Variants in OSBPL3 observed in about 807,000 individuals in gnomAD.
OSBPL3 encodes oxysterol-binding protein-related protein 3.
A neutral mutation model predicts 120.1 loss-of-function variants in OSBPL3; 65 were observed. The observed-to-expected ratio is 0.54, with a 90% CI of 0.44 to 0.67. The LOEUF (loss-of-function observed/expected upper bound fraction) is 0.67, where lower values mean the gene tolerates loss of function less well. Among genes scored for constraint, OSBPL3 ranks in the 30% least tolerant of loss-of-function variants. OSBPL3 has a pLI of 0.00. For missense variants in OSBPL3, 1,004 were observed against 1,082.1 expected (o/e 0.93, Z 1.01); for synonymous variants, 416 against 402.6 (o/e 1.03, Z -0.40).
In OSBPL3 at chr7:24,936,635, G is replaced by A. The variant is rs1395462665; in HGVS notation, c.-150+43251C>T. 6.6e-6 allele frequency among the ~76,000 whole-genome samples: 1 copy of A among 152,168 alleles called. No individual in the cohort carries two copies. The highest frequency in any genetic ancestry group is 1.9e-4 in the East Asian group (1 of 5,194). ...GTGGCAAAGAGAAAATGAAAATAGGGGAAAGAGTCACTCTAGTCACAGAGA... is the reference window on the plus strand; with the variant it reads ...GTGGCAAAGAGAAAATGAAAATAGGAGAAAGAGTCACTCTAGTCACAGAGA... On this transcript the variant is annotated intron_variant, in intron 1 of 22. Transcript: ENST00000313367. The surrounding 1 kb of genome is among the most constrained non-coding windows in gnomAD (Gnocchi z 4.2).
chr7:24,838,049 T>A (rs765354623), intron 14 of OSBPL3, among the ~76,000 whole-genome samples: 2 of 152,234 alleles, frequency 1.3e-5, no homozygotes, highest in Non-Finnish European at 2.9e-5. Flanking sequence ...AAAGGTTATT[T>A]CTGTATCCAA....
Position 24,808,310 on chromosome 7 carries a change from C to G in OSBPL3, c.2318-1408G>C. Among the ~76,000 whole-genome samples, 1 of 152,150 alleles carries G rather than the reference C, an allele frequency of 6.6e-6. No homozygotes were observed. Among genetic ancestry groups the G allele is most frequent in the East Asian group, 1.9e-4 (1 of 5,200 alleles). Reference sequence around the variant, plus strand: ...GTTTCCTATGGTGTCTTGGTCAGCTCCCCAGTAACCAGGGAGTGAAGATAG... The same window carrying G: ...GTTTCCTATGGTGTCTTGGTCAGCTGCCCAGTAACCAGGGAGTGAAGATAG... On this transcript the variant is annotated intron_variant, in intron 20 of 22. Coordinates refer to ENST00000313367, the MANE Select transcript of OSBPL3 (RefSeq NM_015550.4). This position sits in a 1 kb window ranked among gnomAD's most constrained non-coding sequence, Gnocchi z 4.6.
intron 1 of OSBPL3, among the ~76,000 whole-genome samples, chr7:24,969,339 C>T (rs180764881): frequency 3.0e-4 from 46 of 152,262 alleles, no homozygotes; most frequent in Admixed American, 1.7e-3. Context: ...TGGCCTTTCT[C>T]GTACTGATTT....
intron 20 of OSBPL3, among the ~76,000 whole-genome samples, chr7:24,807,913 T>A (rs561178460): frequency 6.6e-6 from 1 of 152,132 alleles, no homozygotes; most frequent in Admixed American, 6.5e-5. Flanking sequence ...CCTTTTTTTT[T>A]ATTGAAAGGG....
intron 1 of OSBPL3, among the ~76,000 whole-genome samples, chr7:24,901,082 C>A (rs1415901789): frequency 6.6e-6 from 1 of 151,080 alleles, no homozygotes; most frequent in Non-Finnish European, 1.5e-5. Context: ...ATAATCCCAG[C>A]GCTTTGGGAG....
intron 12 of OSBPL3, among the ~76,000 whole-genome samples, chr7:24,845,384 T>TAAAAAAAAAAAAAAAAAAAA (rs34559902): frequency 3.7e-4 from 23 of 62,262 alleles, no homozygotes; most frequent in East Asian, 5.9e-4. Flanking sequence ...GCAAAATAAG[T>TAAAAAAAAAAAAAAAAAAAA]AAAAAAAAAA....
In OSBPL3 at chr7:24,953,004, G is replaced by A. The variant is rs1348314435; in HGVS notation, c.-150+26882C>T. Among the ~76,000 whole-genome samples, 3 of 152,160 alleles carry A rather than the reference G, an allele frequency of 2.0e-5. No homozygotes were observed. The highest frequency in any genetic ancestry group is 2.0e-4 in the Admixed American group (3 of 15,278). On this transcript the variant is annotated intron_variant, in intron 1 of 22. Coordinates refer to ENST00000313367, the MANE Select transcript of OSBPL3 (RefSeq NM_015550.4). The surrounding 1 kb of genome is among the most constrained non-coding windows in gnomAD (Gnocchi z 4.3). ...ATCTAAAAATTAGCCAGGCATGGTG[G>A]TGCATGCTTGTAGTCCCACCTACTT...
Position 24,820,263 on chromosome 7 carries a change from A to G in OSBPL3, c.1885-25T>C. The G allele has an allele frequency of 1.3e-6, 2 of 1,569,410 alleles. No individual in the cohort carries two copies. Among genetic ancestry groups the G allele is most frequent in the Non-Finnish European group, 1.8e-6 (2 of 1,142,444 alleles). ...CCTGATGGAAACAAAGGACAGAAAA[A>G]CAAAAAATGAATGAACTTTTGTGTC... On this transcript the variant is annotated intron_variant, in intron 16 of 22. Transcript: ENST00000313367. This position sits in a 1 kb window ranked among gnomAD's most constrained non-coding sequence, Gnocchi z 4.6.
At chr7:24,832,529 A>AG (rs1554352176) in intron 15 of OSBPL3, among the ~76,000 whole-genome samples, 41 of 150,946 alleles carry the variant, frequency 2.7e-4, no homozygotes, top group Middle Eastern at 3.4e-3. Flanking sequence ...AAAAAAAAAA[A>AG]AAGAAGAAGA....
chr7:24,903,139 A>G (rs1418367161), intron 1 of OSBPL3, among the ~76,000 whole-genome samples: 2 of 152,216 alleles, frequency 1.3e-5, no homozygotes, highest in African/African-American at 2.4e-5. Context: ...TTGTGTACCA[A>G]CCTAATACTT....
rs905639319 is a variant in OSBPL3, at chr7:24,849,862, G to A, written c.1159-686C>T. 7.9e-5 allele frequency among the ~76,000 whole-genome samples: 12 copies of A among 151,924 alleles called. No homozygotes were observed. The highest frequency in any genetic ancestry group is 2.7e-4 in the African/African-American group (11 of 41,364). Reference sequence around the variant, plus strand: ...CCCAGCTACTTGGGAGGCTGAGGTGGGAGAATTGCTTGAACCTGGGAGGCT... The same window carrying A: ...CCCAGCTACTTGGGAGGCTGAGGTGAGAGAATTGCTTGAACCTGGGAGGCT... On this transcript the variant is annotated intron_variant, in intron 11 of 22. Transcript: ENST00000313367. This position sits in a 1 kb window ranked among gnomAD's most constrained non-coding sequence, Gnocchi z 5.4.
chr7:24,960,611 C>A (rs1815614584), intron 1 of OSBPL3, among the ~76,000 whole-genome samples: 1 of 151,934 alleles, frequency 6.6e-6, no homozygotes, highest in African/African-American at 2.4e-5. Flanking sequence ...CTGAACCTGG[C>A]ATTCATTCAT....
chr7:24,903,682 C>G (rs943306016), intron 1 of OSBPL3, among the ~76,000 whole-genome samples: 1 of 152,170 alleles, frequency 6.6e-6, no homozygotes, highest in Non-Finnish European at 1.5e-5. Flanking sequence ...ACATCCACCC[C>G]TGTGTCTGCC....
At chr7:24,828,257 C>T (rs186172083) in intron 16 of OSBPL3, among the ~76,000 whole-genome samples, 2 of 152,236 alleles carry the variant, frequency 1.3e-5, no homozygotes, top group African/African-American at 2.4e-5. Context: ...AACTCCTGAC[C>T]TCAAGTGATT....
chr7:24,945,938 T>C (rs921443594), intron 1 of OSBPL3, among the ~76,000 whole-genome samples: 1 of 152,244 alleles, frequency 6.6e-6, no homozygotes, highest in Non-Finnish European at 1.5e-5. Context: ...AGCTATTTTA[T>C]CTGGCTCATA....
At chr7:24,856,192 T>G (rs1331255453) in intron 10 of OSBPL3, among the ~76,000 whole-genome samples, 1 of 152,182 alleles carries the variant, frequency 6.6e-6, no homozygotes, top group Non-Finnish European at 1.5e-5. Flanking sequence ...TCCTGGACTA[T>G]GAGAGGCAGG....
At chr7:24,889,381 C>T (rs1446770850) in intron 2 of OSBPL3, among the ~76,000 whole-genome samples, 1 of 152,138 alleles carries the variant, frequency 6.6e-6, no homozygotes, top group Non-Finnish European at 1.5e-5. Flanking sequence ...ACCATGCTGA[C>T]TGTAGTTCAT....
chr7:24,857,360 C>G (rs1199080320), intron 10 of OSBPL3, among the ~76,000 whole-genome samples: 1 of 152,170 alleles, frequency 6.6e-6, no homozygotes, highest in Non-Finnish European at 1.5e-5. Flanking sequence ...CTGTCTTGTT[C>G]CTTGCTTTGC....
Position 24,809,908 on chromosome 7 carries a change from A to G in OSBPL3, c.2216T>C (p.Val739Ala). The G allele has an allele frequency of 6.2e-7, 1 of 1,614,120 alleles. No individual in the cohort carries two copies. The highest frequency in any genetic ancestry group is 8.5e-7 in the Non-Finnish European group (1 of 1,180,006). The change falls in exon 20 of 23, where the codon GTG becomes GCG. Residue 739 changes from valine to alanine, a missense_variant. This residue lies in a region of OSBPL3 where 473 missense variants were observed against 568.0 expected (regional missense o/e 0.83). Coordinates refer to ENST00000313367, the MANE Select transcript of OSBPL3 (RefSeq NM_015550.4). The part of the protein sequence containing the change: ...STNAHEIEGT[V>A]FDRSGKAVHR... ...AACCGCTTTTCCACTCCTGTCAAACACTGTGCCTTCAATCTCATGGGCATT... is the reference window on the plus strand; with the variant it reads ...AACCGCTTTTCCACTCCTGTCAAACGCTGTGCCTTCAATCTCATGGGCATT...
Sources: gnomAD v4.1 joint callset for allele counts (sites outside exome capture counted in the v4.1 genomes callset) on GRCh38, gnomAD v4.1.1 for gene constraint, gnomAD v4.1.1 regional missense constraint, Gnocchi (gnomAD v3.1) non-coding constraint, MANE v1.5 for transcripts, NCBI Gene and HGNC (gene_info 2026-07-23, HGNC 2026-07-21) for gene names.